The following BNC2 variants were observed in gnomAD, a reference collection of about 807,000 sequenced individuals.
BNC2 encodes the protein basonuclin zinc finger protein 2.
Under a neutral mutation model 76.3 loss-of-function variants are expected in BNC2, and 20 were observed. The ratio of observed to expected loss-of-function variants is 0.26; its 90% CI spans 0.18 to 0.38. BNC2 has a LOEUF of 0.38. Among genes scored for constraint, BNC2 ranks in the 10% least tolerant of loss-of-function variants. BNC2 has a pLI of 1.00. For missense variants in BNC2, 1,382 were observed against 1,399.8 expected, an observed-to-expected ratio of 0.99 and a Z score of 0.20; for synonymous variants, 582 against 514.8, an observed-to-expected ratio of 1.13 and a Z score of -1.77.
chr9:16,446,431 G>C (rs994550729), intron 5 of BNC2, among the ~76,000 whole-genome samples: 1 of 151,930 alleles, frequency 6.6e-6, no homozygotes, highest in Admixed American at 6.6e-5. Context: ...TAGTGGCTTT[G>C]ATATATTTCC....
intron 1 of BNC2, among the ~76,000 whole-genome samples, chr9:16,800,973 T>C (rs952822266): frequency 6.6e-6 from 1 of 152,142 alleles, no homozygotes; most frequent in Non-Finnish European, 1.5e-5. Context: ...GTTGCTAATG[T>C]TTTTTCATTC....
intron 5 of BNC2, among the ~76,000 whole-genome samples, chr9:16,483,245 C>T (rs1188040112): frequency 6.6e-6 from 1 of 152,226 alleles, no homozygotes; most frequent in Non-Finnish European, 1.5e-5. Context: ...GAAAAAGACA[C>T]TGCTGAAACC....
intron 3 of BNC2, among the ~76,000 whole-genome samples, chr9:16,658,487 G>A (rs561423664): frequency 6.6e-5 from 10 of 152,234 alleles, no homozygotes; most frequent in South Asian, 6.2e-4. Flanking sequence ...TGTTTTCACC[G>A]TGAATAGTCC....
chr9:16,855,204 A>T (rs1031914964), intron 1 of BNC2, among the ~76,000 whole-genome samples: 10 of 152,072 alleles, frequency 6.6e-5, no homozygotes. Context: ...TGAAAAGGTG[A>T]TCTTTCTCAA....
At chr9:16,670,384 A>G (rs970435611) in intron 3 of BNC2, among the ~76,000 whole-genome samples, 1 of 152,154 alleles carries the variant, frequency 6.6e-6, no homozygotes, top group Admixed American at 6.5e-5. Context: ...GCGCGATCAT[A>G]GTTCACTGTT....
intron 3 of BNC2, among the ~76,000 whole-genome samples, chr9:16,596,574 T>C (rs567214955): frequency 6.8e-4 from 104 of 152,310 alleles, no homozygotes; most frequent in African/African-American, 2.4e-3. Context: ...GCAAATTCTT[T>C]CATTTTCACT....
chr9:16,611,132 T>C (rs1308603304), intron 3 of BNC2, among the ~76,000 whole-genome samples: 1 of 152,180 alleles, frequency 6.6e-6, no homozygotes, highest in African/African-American at 2.4e-5. Context: ...TCTAATTCTA[T>C]GCTTTAATAT....
chr9:16,652,256 A>C lies in BNC2; in HGVS notation c.331-69171T>G, dbSNP rs1821814139. ...GTTTTCAGATAATAGCACTTTTATT[A>C]GAATTTTTTTTCTCTCAGGAGTCTG... is the stretch of plus-strand genomic sequence containing the variant. On this transcript the variant is annotated intron_variant, in intron 3 of 6. Transcript: ENST00000380672. Among the ~76,000 whole-genome samples, 3 of 152,220 alleles carry C rather than the reference A, an allele frequency of 2.0e-5. No individual in the cohort carries two copies. In the South Asian group the frequency reaches 6.2e-4, roughly 31 times the overall value.
In BNC2 at chr9:16,855,339, G is replaced by A. The variant is rs926517158; in HGVS notation, c.3+15307C>T. On this transcript the variant is annotated intron_variant, in intron 1 of 6. Coordinates refer to ENST00000380672, the MANE Select transcript of BNC2 (RefSeq NM_017637.6). Reference sequence around the variant, plus strand: ...TGAATTTTGTGCTCTCTCTTAGGATGACAGCTTCTACTTCATCTGTAATAC... The same window carrying A: ...TGAATTTTGTGCTCTCTCTTAGGATAACAGCTTCTACTTCATCTGTAATAC... 2.0e-5 allele frequency among the ~76,000 whole-genome samples: 3 copies of A among 152,182 alleles called. No individual in the cohort carries two copies. In the East Asian group the frequency reaches 5.8e-4, roughly 29 times the overall value.
chr9:16,653,582 G>A (rs1821849238), intron 3 of BNC2, among the ~76,000 whole-genome samples: 1 of 152,076 alleles, frequency 6.6e-6, no homozygotes, highest in African/African-American at 2.4e-5. Flanking sequence ...CGGGGGAAGT[G>A]TTTGGGAAAC....
chr9:16,782,062 G>A (rs777891084), intron 1 of BNC2, among the ~76,000 whole-genome samples: 21 of 151,886 alleles, frequency 1.4e-4, no homozygotes, highest in African/African-American at 2.7e-4. Context: ...CGAGGGGGGC[G>A]GATCACGAGC....
chr9:16,703,472 G>C (rs1728588777), intron 3 of BNC2, among the ~76,000 whole-genome samples: 1 of 148,174 alleles, frequency 6.7e-6, no homozygotes, highest in Non-Finnish European at 1.5e-5. Context: ...AATAATTATT[G>C]AAGTGGGTAT....
At chr9:16,526,240 G>C (rs1563825037) in intron 5 of BNC2, among the ~76,000 whole-genome samples, 1 of 151,936 alleles carries the variant, frequency 6.6e-6, no homozygotes, top group African/African-American at 2.4e-5. Context: ...GTACATCTGT[G>C]TGGCAAAGAA....
chr9:16,811,387 C>T (rs1283367813), intron 1 of BNC2, among the ~76,000 whole-genome samples: 2 of 151,294 alleles, frequency 1.3e-5, no homozygotes, highest in Non-Finnish European at 2.9e-5. Context: ...CCCATCTCTA[C>T]TAAAAATACC....
chr9:16,758,711 C>T (rs147689784), intron 1 of BNC2, among the ~76,000 whole-genome samples: 28 of 152,180 alleles, frequency 1.8e-4, no homozygotes, highest in African/African-American at 6.3e-4. Context: ...TTCTATTGAC[C>T]GCACAAGACA....
intron 5 of BNC2, among the ~76,000 whole-genome samples, chr9:16,510,311 C>A (rs757904955): frequency 4.6e-5 from 7 of 152,194 alleles, no homozygotes; most frequent in Non-Finnish European, 7.4e-5. Context: ...TGCTGAGTTG[C>A]TGATTTTCCT....
At chr9:16,772,091 T>C (rs774391945) in intron 1 of BNC2, among the ~76,000 whole-genome samples, 3 of 152,234 alleles carry the variant, frequency 2.0e-5, no homozygotes, top group South Asian at 4.1e-4. Context: ...ACATGCAGAC[T>C]GATAACAGGT....
At chr9:16,681,769 G>A (rs1822828726) in intron 3 of BNC2, among the ~76,000 whole-genome samples, 1 of 152,140 alleles carries the variant, frequency 6.6e-6, no homozygotes, top group South Asian at 2.1e-4. Flanking sequence ...AAACCGCAGG[G>A]CTGATGTTAG....
chr9:16,821,502 T>C (rs953740193), intron 1 of BNC2, among the ~76,000 whole-genome samples: 7 of 151,932 alleles, frequency 4.6e-5, no homozygotes, highest in African/African-American at 7.3e-5. Context: ...ATTAACTTTC[T>C]TTTGTACAGA....
Sources: gnomAD v4.1 joint callset for allele counts (sites outside exome capture counted in the v4.1 genomes callset) on GRCh38, gnomAD v4.1.1 for gene constraint, MANE v1.5 for transcripts, NCBI Gene and HGNC (gene_info 2026-07-23, HGNC 2026-07-21) for gene names.